Variants in COL10A1 observed in about 807,000 individuals in gnomAD.
The protein encoded by COL10A1 is collagen alpha-1(X) chain.
Under a neutral mutation model 18.2 loss-of-function variants are expected in COL10A1, and 10 were observed. That is an observed-to-expected ratio of 0.55 (90% CI 0.34 to 0.93). The LOEUF is 0.93. COL10A1 is among the 40% of genes least tolerant of loss of function. The pLI, the probability that COL10A1 is intolerant of heterozygous loss-of-function variation, is 0.02. For synonymous variants in COL10A1, 330 were observed against 316.6 expected, an observed-to-expected ratio of 1.04 and a Z score of -0.45; for missense variants, 897 against 853.5, an observed-to-expected ratio of 1.05 and a Z score of -0.64.
chr6:116,132,903 C>G (rs998402136), intron 1 of COL10A1, among the ~76,000 whole-genome samples: 3 of 152,006 alleles, frequency 2.0e-5, no homozygotes, highest in Non-Finnish European at 4.4e-5. Flanking sequence ...ATTATAGAGC[C>G]CAGAAGCTAA....
rs752540751 is a variant in COL10A1, at chr6:116,121,686, G to A, written c.430C>T (p.Pro144Ser). The A allele has an allele frequency of 4.0e-5, 64 of 1,613,928 alleles. No homozygotes were observed. The highest frequency in any genetic ancestry group is 1.1e-4 in the African/African-American group (8 of 74,866). The change falls in exon 3 of 3, where the codon CCT (proline) becomes TCT (serine). Residue 144 changes from proline to serine, a missense_variant. By Grantham distance (74) the Pro-to-Ser change is moderately conservative. Transcript: ENST00000651968. The part of the protein sequence containing the change: ...LPGPRGPPGP[P>S]GIPGPAGISV... ...ATTCCAGCCGGTCCAGGGATTCCAG[G>A]TGGTCCTGGTGGGCCCCGGGGTCCT... is the stretch of plus-strand genomic sequence containing the variant.
chr6:116,207,233 G>A, the COL10A1 span, among the ~76,000 whole-genome samples: 1 of 151,874 alleles, frequency 6.6e-6, no homozygotes, highest in Non-Finnish European at 1.5e-5. Flanking sequence ...CTCAATAAAT[G>A]GATCATATGT....
At chr6:116,144,909 A>ATGGC (rs1354609073) in intron 1 of COL10A1, among the ~76,000 whole-genome samples, 2 of 152,202 alleles carry the variant, frequency 1.3e-5, no homozygotes. Context: ...TCTTAGGCTG[A>ATGGC]TGGCGTTGAA....
At chr6:116,203,374 T>C in the COL10A1 span, among the ~76,000 whole-genome samples, 2 of 151,994 alleles carry the variant, frequency 1.3e-5, no homozygotes, top group Admixed American at 1.3e-4. Flanking sequence ...GCTCTCTTCA[T>C]GCTCCCTTCT....
chr6:116,216,060 A>G, the COL10A1 span, among the ~76,000 whole-genome samples: 1 of 152,282 alleles, frequency 6.6e-6, no homozygotes, highest in Non-Finnish European at 1.5e-5. Flanking sequence ...ATCATTCTGT[A>G]TTCACAATAC....
intron 2 of COL10A1, among the ~76,000 whole-genome samples, 177 bp downstream of exon 2, chr6:116,125,162 A>G (rs1779256936): frequency 6.6e-6 from 1 of 152,144 alleles, no homozygotes; most frequent in South Asian, 2.1e-4. Context: ...TTTCTACTAC[A>G]CTTATTGGAT....
the COL10A1 span, among the ~76,000 whole-genome samples, chr6:116,188,915 A>G: frequency 4.6e-5 from 7 of 152,028 alleles, no homozygotes; most frequent in African/African-American, 1.7e-4. Flanking sequence ...ATTAAGCTTC[A>G]CTACCATTTT....
chr6:116,135,816 G>T, intron 1 of COL10A1, among the ~76,000 whole-genome samples: 1 of 113,308 alleles, frequency 8.8e-6, no homozygotes, highest in African/African-American at 3.2e-5. Flanking sequence ...TATATTTATG[G>T]TATACAATAT....
intron 1 of COL10A1, among the ~76,000 whole-genome samples, chr6:116,147,942 C>G (rs1262230280): frequency 6.6e-6 from 1 of 151,128 alleles, no homozygotes; most frequent in Non-Finnish European, 1.5e-5. Flanking sequence ...GCTGAGATCG[C>G]GCCACTGCAC....
the COL10A1 span, among the ~76,000 whole-genome samples, chr6:116,200,787 G>C: frequency 1.3e-5 from 2 of 151,948 alleles, no homozygotes; most frequent in Non-Finnish European, 2.9e-5. Flanking sequence ...TAAAGAAACT[G>C]AAGGATATCA....
the COL10A1 span, among the ~76,000 whole-genome samples, chr6:116,213,057 T>C: frequency 6.6e-6 from 1 of 152,144 alleles, no homozygotes; most frequent in East Asian, 1.9e-4. Flanking sequence ...GAGATAATAA[T>C]TAAAATTGGG....
chr6:116,140,193 TA>T lies in COL10A1; in HGVS notation c.-15-14687del, dbSNP rs540249074. On this transcript the variant is annotated intron_variant, in intron 1 of 1. Coordinates refer to the COL10A1 transcript ENST00000418500. ...GTGCATGCTCTCAGGTATTTTCAAG[TA>T]TTCCTCTTCTGTTTAATTTCCTTTC... Among the ~76,000 whole-genome samples, 3 of 152,288 alleles carry T rather than the reference TA, an allele frequency of 2.0e-5. No homozygotes were observed. The South Asian group carries it at 6.2e-4, about 32-fold the overall frequency.
chr6:116,128,680 A>G (rs1355926469), upstream of COL10A1, among the ~76,000 whole-genome samples: 1 of 152,160 alleles, frequency 6.6e-6, no homozygotes. Context: ...TAAAGTGTTT[A>G]CACAGTGGTT....
At chr6:116,137,316 TAGGGTGC>T (rs1472052873) in intron 1 of COL10A1, 2 of 162,384 alleles carry the variant, frequency 1.2e-5, no homozygotes, top group Non-Finnish European at 2.8e-5. Flanking sequence ...ATACTTGGCA[TAGGGTGC>T]AGGGTAATCC....
At chr6:116,180,965 G>T in the COL10A1 span, among the ~76,000 whole-genome samples, 9 of 151,952 alleles carry the variant, frequency 5.9e-5, no homozygotes, top group Admixed American at 5.9e-4. Flanking sequence ...AAGAATTATT[G>T]TTATATTTTT....
chr6:116,205,678 A>G, the COL10A1 span, among the ~76,000 whole-genome samples: 1 of 151,958 alleles, frequency 6.6e-6, no homozygotes, highest in Non-Finnish European at 1.5e-5. Flanking sequence ...TTCCGTCTTT[A>G]TTCTGATTTT....
At position 116,120,479 on chromosome 6, in the gene COL10A1, A is replaced by T. The variant is rs2114279867; in HGVS notation, c.1637T>A (p.Val546Glu). Reference protein sequence around the residue: ...GTPLVSANQGVTGMPVSAFTV... With the variant: ...GTPLVSANQGETGMPVSAFTV... Reference sequence around the variant, plus strand: ...AAAAGCAGACACAGGCATTCCTGTTACCCCCTGGTTGGCACTAACAAGAGG... The same window carrying T: ...AAAAGCAGACACAGGCATTCCTGTTTCCCCCTGGTTGGCACTAACAAGAGG... The change falls in exon 3 of 3, where the codon GTA becomes GAA. Residue 546 changes from valine (V) to glutamate (E), a missense_variant. Physicochemically the swap from Val to Glu is moderately radical, Grantham distance 121 (BLOSUM62 -2). Coordinates refer to ENST00000651968, the MANE Select transcript of COL10A1 (RefSeq NM_000493.4). The T allele has an allele frequency of 4.3e-6, 7 of 1,614,154 alleles. No homozygotes were observed. Among genetic ancestry groups the T allele is most frequent in the Non-Finnish European group, 5.9e-6 (7 of 1,180,002 alleles).
chr6:116,128,441 AC>A (rs772689130), upstream of COL10A1, among the ~76,000 whole-genome samples: 1,403 of 152,268 alleles, frequency 9.2e-3, 21 homozygotes, highest in Non-Finnish European at 0.013. Flanking sequence ...AACCCATTCC[AC>A]TCAAAACAGA....
chr6:116,210,918 G>T, the COL10A1 span, among the ~76,000 whole-genome samples: 1 of 151,964 alleles, frequency 6.6e-6, no homozygotes, highest in Non-Finnish European at 1.5e-5. Context: ...AGTCTACAAA[G>T]ATAGCTCTCT....
Sources: allele counts gnomAD v4.1 joint callset (sites outside exome capture counted in the v4.1 genomes callset), GRCh38; gene constraint gnomAD v4.1.1; transcripts MANE v1.5; gene names NCBI Gene and HGNC (gene_info 2026-07-23, HGNC 2026-07-21).